The following TMEM68 variants were observed in gnomAD, a reference collection of about 807,000 sequenced individuals.
TMEM68 encodes transmembrane protein 68.
In TMEM68, 25 loss-of-function variants were observed where a neutral mutation model predicts 36.9. The ratio of observed to expected loss-of-function variants is 0.68; its 90% CI spans 0.49 to 0.95. The LOEUF is 0.95. Ranked by LOEUF, TMEM68 falls within the 40% of genes least tolerant of loss-of-function variation. TMEM68 has a pLI of 0.00. For synonymous variants in TMEM68, 131 were observed against 124.4 expected, an observed-to-expected ratio of 1.05 and a Z score of -0.35; for missense variants, 333 against 392.0, an observed-to-expected ratio of 0.85 and a Z score of 1.27.
chr8:55,752,000 G>C (rs1810437664), intron 4 of TMEM68, among the ~76,000 whole-genome samples: 1 of 152,156 alleles, frequency 6.6e-6, no homozygotes, highest in Non-Finnish European at 1.5e-5. Flanking sequence ...CTTGCGGTCA[G>C]GAGTTCAAGA....
chr8:55,749,411 G>T (rs778028351), intron 5 of TMEM68, among the ~76,000 whole-genome samples: 1 of 152,036 alleles, frequency 6.6e-6, no homozygotes, highest in South Asian at 2.1e-4. Context: ...TTATAATTTT[G>T]TGAGGCCTAT....
intron 3 of TMEM68, 54 bp downstream of exon 3, chr8:55,762,581 T>G: frequency 1.9e-6 from 3 of 1,610,470 alleles, no homozygotes; most frequent in Non-Finnish European, 1.7e-6. Context: ...GGTAACACAG[T>G]TCCAATGCAG....
chr8:55,740,900 T>A (rs1270332600), intron 7 of TMEM68, among the ~76,000 whole-genome samples: 1 of 152,072 alleles, frequency 6.6e-6, no homozygotes, highest in African/African-American at 2.4e-5. Flanking sequence ...ACTTTAACCT[T>A]TAAAGAAAAT....
chr8:55,743,135 C>T (rs1810154269), intron 7 of TMEM68, among the ~76,000 whole-genome samples: 1 of 152,176 alleles, frequency 6.6e-6, no homozygotes, highest in South Asian at 2.1e-4. Context: ...GTGCAAATGA[C>T]TGAAATCTCC....
rs186753985 is a variant in TMEM68, at chr8:55,762,840, A to C, written c.120T>G (p.Phe40Leu). 12 of 1,614,206 alleles carry C rather than the reference A, an allele frequency of 7.4e-6. No individual in the cohort carries two copies. The East Asian group carries it at 2.5e-4, about 33-fold the overall frequency. Residue 40 changes from phenylalanine to leucine, a missense_variant, in exon 3 of 8, where the codon TTT becomes TTG. Phe to Leu is a conservative substitution (Grantham distance 22). Coordinates refer to ENST00000434581, the MANE Select transcript of TMEM68 (RefSeq NM_001286657.2). ...GVEQLEDYLN[F>L]ANYLLWVFTP... is the part of the protein sequence containing the mutation. ...TAAAAACCCACAAGAGATAGTTTGC[A>C]AAATTCAAATAGTCCTCCAACTGCT...
rs1810779617 is a variant in TMEM68, at chr8:55,761,168, C to T, written c.325+1467G>A. The T allele has an allele frequency of 2.0e-5, 3 of 152,196 alleles. No homozygotes were observed. In the South Asian group the frequency reaches 6.2e-4, roughly 32 times the overall value. 9.4% of individuals were successfully genotyped at this position (152,196 alleles called of 1,614,324 possible). The stretch of plus-strand genomic sequence containing the variant: ...CTATTTAACTGTGTCACTCTTAGAG[C>T]AGATGTGATCATACTACTCCCTGCT... On this transcript the variant is annotated intron_variant, in intron 3 of 7. Transcript: ENST00000434581.
At chr8:55,770,538 TGGCACGTTCCTG>T (rs1235301751) in intron 1 of TMEM68, among the ~76,000 whole-genome samples, 2 of 152,062 alleles carry the variant, frequency 1.3e-5, no homozygotes, top group Non-Finnish European at 2.9e-5. Context: ...CCAGGCATGG[TGGCACGTTCCTG>T]TAAGTTGCAG....
chr8:55,741,277 A>AT (rs1332192105), intron 7 of TMEM68, among the ~76,000 whole-genome samples: 2 of 152,190 alleles, frequency 1.3e-5, no homozygotes, highest in Non-Finnish European at 2.9e-5. Flanking sequence ...CACAGTTTTC[A>AT]TACCTGTAAA....
chr8:55,756,524 C>A, intron 3 of TMEM68, 113 bp from the exon 4 acceptor site: 1 of 908,572 alleles, frequency 1.1e-6, no homozygotes, highest in Non-Finnish European at 1.6e-6. Flanking sequence ...CTTCCTGGTT[C>A]TCTTCCCCTT....
intron 1 of TMEM68, among the ~76,000 whole-genome samples, chr8:55,772,105 G>A (rs1369303751): frequency 6.6e-6 from 1 of 152,014 alleles, no homozygotes; most frequent in East Asian, 1.9e-4. Flanking sequence ...ATCTGTAACC[G>A]TGCAGCACTC....
chr8:55,750,357 C>T (rs988338879), intron 5 of TMEM68, among the ~76,000 whole-genome samples: 1 of 152,100 alleles, frequency 6.6e-6, no homozygotes, highest in Non-Finnish European at 1.5e-5. Context: ...AAGAACAATA[C>T]TCTATCAAAC....
Position 55,743,638 on chromosome 8 carries a change from C to G in TMEM68, c.749-18G>C, listed in dbSNP as rs935376446. On this transcript the variant is annotated intron_variant, in intron 6 of 7. Transcript: ENST00000434581. ...AAATAACCCTGTTTTAGAGTAAATA[C>G]AATCATTTTAACTTGTTAAGTATTC... 2 of 1,525,070 alleles carry G rather than the reference C, an allele frequency of 1.3e-6. No individual in the cohort carries two copies. The highest frequency in any genetic ancestry group is 1.8e-6 in the Non-Finnish European group (2 of 1,141,094). 94.5% of individuals were successfully genotyped at this position (1,525,070 alleles called of 1,614,324 possible).
intron 1 of TMEM68, among the ~76,000 whole-genome samples, chr8:55,764,851 T>C (rs914737758): frequency 1.3e-5 from 2 of 152,146 alleles, no homozygotes; most frequent in Non-Finnish European, 2.9e-5. Flanking sequence ...GGCAGGTGGA[T>C]CACCTGAGGT....
chr8:55,758,060 G>A (rs569973025), intron 3 of TMEM68, among the ~76,000 whole-genome samples: 4 of 152,228 alleles, frequency 2.6e-5, no homozygotes, highest in East Asian at 3.9e-4. Flanking sequence ...ATAAGCAAAG[G>A]CGACCTTTTC....
intron 7 of TMEM68, among the ~76,000 whole-genome samples, chr8:55,741,878 T>TA (rs140299439): frequency 0.017 from 2,580 of 152,106 alleles, 70 homozygotes; most frequent in African/African-American, 0.059. Context: ...GTATATAAAG[T>TA]AAAAATGTAT....
intron 1 of TMEM68, among the ~76,000 whole-genome samples, chr8:55,771,616 C>CA (rs1017218815): frequency 5.3e-5 from 8 of 151,360 alleles, no homozygotes; most frequent in African/African-American, 9.7e-5. Flanking sequence ...GATCCTGTCT[C>CA]AAAAAAAATA....
intron 1 of TMEM68, among the ~76,000 whole-genome samples, chr8:55,765,593 T>G (rs756016542): frequency 2.8e-4 from 43 of 152,218 alleles, no homozygotes; most frequent in Non-Finnish European, 5.6e-4. Context: ...GCAGCTTTTT[T>G]GGTAACTCGA....
intron 1 of TMEM68, among the ~76,000 whole-genome samples, chr8:55,766,111 T>C (rs1810954937): frequency 6.6e-6 from 1 of 152,160 alleles, no homozygotes; most frequent in African/African-American, 2.4e-5. Flanking sequence ...TGGAGTTCTA[T>C]GTCAGGCACG....
intron 5 of TMEM68, chr8:55,746,556 A>G (rs1038217069): frequency 1.1e-4 from 16 of 152,144 alleles, no homozygotes; most frequent in African/African-American, 3.9e-4. Context: ...AATATACTGA[A>G]TTAAATGATG....
Sources: allele counts gnomAD v4.1 joint callset (sites outside exome capture counted in the v4.1 genomes callset), GRCh38; gene constraint gnomAD v4.1.1; transcripts MANE v1.5; gene names NCBI Gene and HGNC (gene_info 2026-07-23, HGNC 2026-07-21).